The following FAM184B variants were observed in gnomAD, a reference collection of about 807,000 sequenced individuals.
FAM184B encodes the protein family with sequence similarity 184 member B.
A neutral mutation model predicts 135.9 loss-of-function variants in FAM184B; 111 were observed. The ratio of observed to expected loss-of-function variants is 0.82; its 90% CI spans 0.70 to 0.96. The LOEUF (loss-of-function observed/expected upper bound fraction) is 0.96, where lower values mean the gene tolerates loss of function less well. Among genes scored for constraint, FAM184B ranks in the 40% least tolerant of loss-of-function variants. FAM184B has a pLI of 0.00. For missense variants in FAM184B, 1,375 were observed against 1,323.9 expected (o/e 1.04, Z -0.60); for synonymous variants, 552 against 524.8 (o/e 1.05, Z -0.71).
chr4:17,640,015 A>G, intron 13 of FAM184B, among the ~76,000 whole-genome samples: 1 of 151,444 alleles, frequency 6.6e-6, no homozygotes, highest in Non-Finnish European at 1.5e-5. Context: ...TTTTTAGTAA[A>G]GACGGGGGGT....
At chr4:17,669,174 T>C (rs1040470619) in intron 7 of FAM184B, among the ~76,000 whole-genome samples, 3 of 152,156 alleles carry the variant, frequency 2.0e-5, no homozygotes, top group African/African-American at 7.2e-5. Flanking sequence ...TTCATTGTTG[T>C]GTATTTTCAA....
chr4:17,647,877 T>G (rs1577245585), intron 11 of FAM184B, 86 bp from the exon 12 acceptor site: 41 of 1,385,648 alleles, frequency 3.0e-5, no homozygotes, highest in East Asian at 5.1e-5. Context: ...GGGGTGGGGT[T>G]GGATGACGTG....
At chr4:17,713,772 A>T (rs552755772) in intron 1 of FAM184B, among the ~76,000 whole-genome samples, 1 of 152,304 alleles carries the variant, frequency 6.6e-6, no homozygotes, top group East Asian at 1.9e-4. Flanking sequence ...TCATTCGCGG[A>T]TTCACTGCAC....
intron 10 of FAM184B, among the ~76,000 whole-genome samples, chr4:17,653,270 T>C (rs1181751111): frequency 6.6e-6 from 1 of 152,186 alleles, no homozygotes; most frequent in East Asian, 1.9e-4. Flanking sequence ...AGGTGGGAGA[T>C]AGAGCAAAAG....
chr4:17,635,211 A>G (rs1715089491), intron 15 of FAM184B, 98 bp from the exon 16 acceptor site: 1 of 892,272 alleles, frequency 1.1e-6, no homozygotes, highest in Non-Finnish European at 1.7e-6. Context: ...AGAGAAGGAA[A>G]GTCCAGGGGA....
chr4:17,659,588 G>T (rs914705799), intron 9 of FAM184B, among the ~76,000 whole-genome samples: 3 of 152,102 alleles, frequency 2.0e-5, no homozygotes, highest in Non-Finnish European at 4.4e-5. Context: ...CCAGGTTCAA[G>T]CAATTCTCCT....
At chr4:17,634,793 C>G (rs921400495) in intron 16 of FAM184B, among the ~76,000 whole-genome samples, 2 of 152,054 alleles carry the variant, frequency 1.3e-5, no homozygotes, top group African/African-American at 2.4e-5. Flanking sequence ...AATACTGACA[C>G]ACATTTATTC....
At chr4:17,632,710 T>A in intron 17 of FAM184B, 85 bp from the exon 18 acceptor site, 1 of 903,984 alleles carries the variant, frequency 1.1e-6, no homozygotes, top group Non-Finnish European at 1.7e-6. Flanking sequence ...CAGGGAAAGA[T>A]AACTGCTTGT....
At position 17,633,706 on chromosome 4, in the gene FAM184B, A is replaced by C; in HGVS notation, c.3072T>G (p.Asp1024Glu). Reference sequence around the variant, plus strand: ...CCCCAAACCTTGTGGCAGTTTTTGCATCTGTAGACTGGTTGGGTTTGTAGG... The same window carrying C: ...CCCCAAACCTTGTGGCAGTTTTTGCCTCTGTAGACTGGTTGGGTTTGTAGG... ...GRTYKPNQSTDAKTATRTPDG... is the reference protein window; with the variant it reads ...GRTYKPNQSTEAKTATRTPDG... The change falls in exon 17 of 18, where the codon GAT becomes GAG. Residue 1024 changes from aspartate (D) to glutamate (E), a missense_variant. Physicochemically the swap from Asp to Glu is conservative, Grantham distance 45. Coordinates refer to ENST00000265018, the MANE Select transcript of FAM184B (RefSeq NM_015688.2). 1 of 1,536,096 alleles carries C rather than the reference A, an allele frequency of 6.5e-7. No individual in the cohort carries two copies. Among genetic ancestry groups the C allele is most frequent in the East Asian group, 2.5e-5 (1 of 40,106 alleles).
chr4:17,693,428 A>G lies in FAM184B; in HGVS notation c.1378-16T>C, dbSNP rs368303323. 8 of 1,546,670 alleles carry G rather than the reference A, an allele frequency of 5.2e-6. No homozygotes were observed. Among genetic ancestry groups the G allele is most frequent in the African/African-American group, 1.4e-5 (1 of 73,040 alleles). On this transcript the variant is annotated splice_polypyrimidine_tract_variant and intron_variant, in intron 5 of 17. Coordinates refer to ENST00000265018, the MANE Select transcript of FAM184B (RefSeq NM_015688.2). ...CTTCTACTTCCTAAATGATGATTGG[A>G]AGAGTTAACCATACAAGGCACGAAA... is the stretch of plus-strand genomic sequence containing the variant.
At chr4:17,761,711 G>A (rs1201587897) in intron 1 of FAM184B, among the ~76,000 whole-genome samples, 1 of 152,090 alleles carries the variant, frequency 6.6e-6, no homozygotes, top group East Asian at 1.9e-4. Flanking sequence ...ATTAGAGAAG[G>A]GGTTTTGCCA....
At chr4:17,723,565 C>A (rs1717578641) in intron 1 of FAM184B, among the ~76,000 whole-genome samples, 1 of 152,188 alleles carries the variant, frequency 6.6e-6, no homozygotes, top group African/African-American at 2.4e-5. Flanking sequence ...AAGGGCCACA[C>A]TGGGTCAAGT....
intron 1 of FAM184B, among the ~76,000 whole-genome samples, chr4:17,713,290 A>G (rs1327532008): frequency 2.6e-5 from 4 of 152,240 alleles, no homozygotes; most frequent in Non-Finnish European, 5.9e-5. Context: ...CACTACCTTG[A>G]GGACCATGAA....
intron 12 of FAM184B, 78 bp from the exon 13 acceptor site, chr4:17,642,306 G>A (rs1715346916): frequency 1.4e-6 from 2 of 1,387,270 alleles, no homozygotes; most frequent in South Asian, 1.6e-5. Flanking sequence ...GATGTGCTGC[G>A]GCGAGATGGA....
At chr4:17,693,781 C>T (rs1376996197) in intron 5 of FAM184B, among the ~76,000 whole-genome samples, 1 of 152,096 alleles carries the variant, frequency 6.6e-6, no homozygotes, top group African/African-American at 2.4e-5. Context: ...AAAAGCAGTA[C>T]AAAATTTCTT....
chr4:17,656,398 CTTT>C (rs1393507618), intron 10 of FAM184B, among the ~76,000 whole-genome samples: 2 of 152,016 alleles, frequency 1.3e-5, no homozygotes, highest in Non-Finnish European at 2.9e-5. Flanking sequence ...TTCCTTTCTT[CTTT>C]CTTTTTTTGC....
intron 14 of FAM184B, among the ~76,000 whole-genome samples, chr4:17,637,209 A>G (rs1410936681): frequency 6.6e-6 from 1 of 152,118 alleles, no homozygotes; most frequent in Non-Finnish European, 1.5e-5. Flanking sequence ...TTGTATTTTT[A>G]GAGGAGACGG....
At chr4:17,676,882 T>C (rs935860957) in intron 7 of FAM184B, among the ~76,000 whole-genome samples, 5 of 152,174 alleles carry the variant, frequency 3.3e-5, no homozygotes, top group Non-Finnish European at 5.9e-5. Flanking sequence ...CCAAGGTGTA[T>C]AGTGGGCTAC....
intron 14 of FAM184B, among the ~76,000 whole-genome samples, 189 bp downstream of exon 14, chr4:17,639,061 T>TGATG (rs1715231410): frequency 6.6e-6 from 1 of 152,190 alleles, no homozygotes; most frequent in Non-Finnish European, 1.5e-5. Flanking sequence ...CTCCATCTCC[T>TGATG]GAGCTCAAGT....
Sources: allele counts gnomAD v4.1 joint callset (sites outside exome capture counted in the v4.1 genomes callset), GRCh38; gene constraint gnomAD v4.1.1; transcripts MANE v1.5; gene names NCBI Gene and HGNC (gene_info 2026-07-23, HGNC 2026-07-21).